The following CKAP5 variants were observed in gnomAD, a reference collection of about 807,000 sequenced individuals.
The protein encoded by CKAP5 is cytoskeleton-associated protein 5.
In CKAP5, 27 loss-of-function variants were observed where a neutral mutation model predicts 232.8. The observed-to-expected ratio is 0.12, with a 90% CI of 0.09 to 0.16. The LOEUF (loss-of-function observed/expected upper bound fraction) is 0.16. CKAP5 is among the 10% of genes least tolerant of loss of function. The pLI is 1.00. For missense variants in CKAP5, 1,838 were observed against 2,424.7 expected (o/e 0.76, Z 5.08); for synonymous variants, 785 against 841.1 (o/e 0.93, Z 1.16).
At chr11:46,761,175 G>T (rs2065152033) in intron 32 of CKAP5, among the ~76,000 whole-genome samples, 1 of 151,316 alleles carries the variant, frequency 6.6e-6, no homozygotes, top group Non-Finnish European at 1.5e-5. Flanking sequence ...CTTGAGCCTG[G>T]GAGGTCGAGG....
chr11:46,808,683 T>C (rs956303078), intron 7 of CKAP5, among the ~76,000 whole-genome samples: 5 of 152,342 alleles, frequency 3.3e-5, no homozygotes, highest in East Asian at 3.9e-4. Context: ...AACAATGCCA[T>C]AGACGTTTCA....
chr11:46,845,146 T>C (rs1332541495), intron 1 of CKAP5, among the ~76,000 whole-genome samples: 1 of 152,228 alleles, frequency 6.6e-6, no homozygotes. Context: ...GCTTAATTTA[T>C]TGGCTCTTTA....
chr11:46,789,343 C>A (rs2065425872), intron 15 of CKAP5, among the ~76,000 whole-genome samples: 1 of 152,156 alleles, frequency 6.6e-6, no homozygotes, highest in Non-Finnish European at 1.5e-5. Context: ...CTTTACAACA[C>A]AGGTTTTTGA....
rs138130331 is a variant in CKAP5, at chr11:46,744,541, G to A, written c.5741C>T (p.Thr1914Met). 1,120 of 1,613,966 alleles carry A rather than the reference G, an allele frequency of 6.9e-4. 1 individual carries two copies. The highest frequency in any genetic ancestry group is 1.7e-3 in the African/African-American group (127 of 75,026). The stretch of plus-strand genomic sequence containing the variant: ...TATGGAGGACACTGTGCTTGTGGGC[G>A]TGGGCACACATGTGACTTCCATCTG... ...SPQMEVTCVP[T>M]PTSTVSSIGN... The change falls in exon 43 of 44, where the codon ACG (threonine) becomes ATG (methionine). Residue 1914 changes from threonine (T) to methionine (M), a missense_variant. Thr to Met is a moderately conservative substitution (Grantham distance 81). Transcript: ENST00000529230.
Position 46,789,970 on chromosome 11 carries a change from C to G in CKAP5, c.1875+106G>C, listed in dbSNP as rs116249312. 1.6e-3 allele frequency: 1,118 copies of G among 681,814 alleles called. 10 individuals are homozygous for G. In the African/African-American group the frequency reaches 0.017, roughly 10 times the overall value. 42.2% of individuals were successfully genotyped at this position (681,814 alleles called of 1,614,324 possible). ...CATCTTTAATGCCATAAAACGTGTTCACCGGTTATAAAACACAGCAATTAG... is the reference window on the plus strand; with the variant it reads ...CATCTTTAATGCCATAAAACGTGTTGACCGGTTATAAAACACAGCAATTAG... On this transcript the variant is annotated intron_variant, in intron 15 of 43. Transcript: ENST00000529230.
rs770876956 is a variant in CKAP5 at position 46,818,372 on chromosome 11, C to T, written c.189G>A (p.Val63=). The T allele has an allele frequency of 6.2e-7, 1 of 1,611,596 alleles. No homozygotes were observed. The highest frequency in any genetic ancestry group is 8.5e-7 in the Non-Finnish European group (1 of 1,179,084). ...IKKFVTDSNA[V]VQLKGLEAAL... is the part of the protein sequence containing the mutation. ...CAGCTTCTAATCCTTTCAATTGAAC[C>T]ACTGCATTGGAATCAGTGACAAATT... Residue 63 remains valine, a synonymous_variant, in exon 3 of 44, where the codon GTG becomes GTA. Transcript: ENST00000529230.
intron 3 of CKAP5, among the ~76,000 whole-genome samples, chr11:46,816,854 C>T (rs1939414740): frequency 6.7e-6 from 1 of 149,458 alleles, no homozygotes; most frequent in Non-Finnish European, 1.5e-5. Flanking sequence ...TGCCTGTAAT[C>T]CCAGCACTTT....
chr11:46,758,783 C>T, intron 35 of CKAP5, 140 bp downstream of exon 35: 1 of 874,664 alleles, frequency 1.1e-6, no homozygotes, highest in South Asian at 2.0e-5. Flanking sequence ...CTGAGTGGCA[C>T]CTGTGCATTT....
At position 46,765,179 on chromosome 11, in the gene CKAP5, A is replaced by G; in HGVS notation, c.3489T>C (p.Val1163=). The G allele has an allele frequency of 6.2e-7, 1 of 1,613,322 alleles. No homozygotes were observed. Among genetic ancestry groups the G allele is most frequent in the Non-Finnish European group, 8.5e-7 (1 of 1,179,670 alleles). The change falls in exon 28 of 44, where the codon GTT becomes GTC. Residue 1163 remains valine (V), a synonymous_variant. Coordinates refer to ENST00000529230, the MANE Select transcript of CKAP5 (RefSeq NM_001008938.4). ...TCCTTTGCTCTTTTCCATTTGGAAC[A>G]ACAATAAAAATAGGCCCGGATTTGT... ...DEDKSGPIFI[V]VPNGKEQRMK...
intron 1 of CKAP5, among the ~76,000 whole-genome samples, chr11:46,838,348 C>T (rs1939963426): frequency 6.6e-6 from 1 of 151,938 alleles, no homozygotes; most frequent in Admixed American, 6.6e-5. Flanking sequence ...CCCAAAAACA[C>T]AGGAACAAGC....
In CKAP5 at chr11:46,790,498, G is replaced by A. The variant is rs1438391878; in HGVS notation, c.1736C>T (p.Thr579Ile). Residue 579 changes from threonine to isoleucine, a missense_variant, in exon 14 of 44, where the codon ACT (threonine) becomes ATT (isoleucine). Physicochemically the swap from Thr to Ile is moderately conservative, Grantham distance 89. This residue lies in a region of CKAP5 where 767 missense variants were observed against 954.6 expected (regional missense o/e 0.80). Transcript: ENST00000529230. Reference protein sequence around the residue: ...TGTKNKKGLETKEIVEPELSI... With the variant: ...TGTKNKKGLEIKEIVEPELSI... ...GAGCTCAGGCTCCACTATTTCTTTA[G>A]TCTCCAGTCCTTTCTTGTTCTTGGT... 6.2e-7 allele frequency: 1 copy of A among 1,613,578 alleles called. No homozygotes were observed. The highest frequency in any genetic ancestry group is 1.3e-5 in the African/African-American group (1 of 74,996).
chr11:46,771,043 C>A, intron 24 of CKAP5, 61 bp from the exon 25 acceptor site: 2 of 1,404,034 alleles, frequency 1.4e-6, no homozygotes, highest in Non-Finnish European at 9.8e-7. Context: ...CATTTATGAT[C>A]TCAGGCTTAC....
chr11:46,816,541 C>CA, intron 3 of CKAP5, 137 bp from the exon 4 acceptor site: 1 of 639,048 alleles, frequency 1.6e-6, no homozygotes, highest in Non-Finnish European at 2.7e-6. Context: ...AATTTATGTT[C>CA]AAGAATATTT....
chr11:46,837,126 T>A (rs1939935704), intron 1 of CKAP5, among the ~76,000 whole-genome samples: 1 of 152,040 alleles, frequency 6.6e-6, no homozygotes, highest in Non-Finnish European at 1.5e-5. Context: ...TTTCATGGAG[T>A]ATGGGTTAGC....
intron 2 of CKAP5, 83 bp downstream of exon 2, chr11:46,821,090 TCA>T: frequency 1.1e-6 from 1 of 887,400 alleles, no homozygotes. Context: ...GCCAATGTTT[TCA>T]CACACTTCTA....
At chr11:46,774,569 C>T (rs764551764) in intron 24 of CKAP5, among the ~76,000 whole-genome samples, 7 of 152,166 alleles carry the variant, frequency 4.6e-5, no homozygotes, top group African/African-American at 7.2e-5. Flanking sequence ...GGAGGCATCA[C>T]GCTACCTGAT....
intron 38 of CKAP5, among the ~76,000 whole-genome samples, chr11:46,751,794 T>C (rs1156364483): frequency 6.6e-6 from 1 of 152,180 alleles, no homozygotes; most frequent in Non-Finnish European, 1.5e-5. Flanking sequence ...GGGGCCATCA[T>C]TTAACCTGGT....
At chr11:46,810,896 A>C (rs1192255204) in intron 5 of CKAP5, 111 bp downstream of exon 5, 11 of 1,048,140 alleles carry the variant, frequency 1.0e-5, no homozygotes, top group African/African-American at 1.6e-5. Context: ...CTGATTTCAA[A>C]ATTAAGAATG....
At position 46,818,260 on chromosome 11, in the gene CKAP5, T is replaced by C. The variant is rs774163579; in HGVS notation, c.251+50A>G. On this transcript the variant is annotated intron_variant, in intron 3 of 43. Coordinates refer to ENST00000529230, the MANE Select transcript of CKAP5 (RefSeq NM_001008938.4). ...CAGTGATCTACAAACATACATTATG[T>C]AACACCAAACAGGGGTTTTTATCAG... The C allele has an allele frequency of 2.1e-6, 3 of 1,409,196 alleles. No individual in the cohort carries two copies. In the African/African-American group the frequency reaches 4.4e-5, roughly 21 times the overall value. The allele number at this position is 1,409,196 out of a possible 1,614,324, so 87.3% of individuals were successfully genotyped here.
Sources: gnomAD v4.1 joint callset for allele counts (sites outside exome capture counted in the v4.1 genomes callset) on GRCh38, gnomAD v4.1.1 for gene constraint, gnomAD v4.1.1 regional missense constraint, MANE v1.5 for transcripts, NCBI Gene and HGNC (gene_info 2026-07-23, HGNC 2026-07-21) for gene names.